SCHIP1: variants seen among roughly 807,000 people sequenced by gnomAD.
SCHIP1 encodes schwannomin interacting protein 1.
SCHIP1 carries 8 observed loss-of-function variants against 29.7 expected under a neutral mutation model. The ratio of observed to expected loss-of-function variants is 0.27; its 90% CI spans 0.16 to 0.49. SCHIP1 has a LOEUF of 0.49. SCHIP1 is among the 20% of genes least tolerant of loss of function. The pLI is 0.99. For synonymous variants in SCHIP1, 76 were observed against 94.9 expected, an observed-to-expected ratio of 0.80 and a Z score of 1.16; for missense variants, 193 against 294.6, an observed-to-expected ratio of 0.66 and a Z score of 2.52.
the SCHIP1 span, among the ~76,000 whole-genome samples, chr3:159,436,205 T>C: frequency 6.6e-6 from 1 of 152,154 alleles, no homozygotes; most frequent in Non-Finnish European, 1.5e-5. Flanking sequence ...ACTCTTGCAC[T>C]CAATCATTTA....
At chr3:159,550,108 A>T in the SCHIP1 span, among the ~76,000 whole-genome samples, 3 of 151,832 alleles carry the variant, frequency 2.0e-5, no homozygotes, top group South Asian at 2.1e-4. Context: ...TATCTTAAGA[A>T]AATTAATTAT....
the SCHIP1 span, among the ~76,000 whole-genome samples, chr3:159,395,293 GA>G: frequency 1.4e-3 from 209 of 151,622 alleles, 2 homozygotes; most frequent in African/African-American, 4.8e-3. Context: ...TTAATTTTTT[GA>G]AGGGTTTTTT....
chr3:159,894,456 C>G (rs984984147), intron 6 of SCHIP1: 1 of 152,230 alleles, frequency 6.6e-6, no homozygotes, highest in African/African-American at 2.4e-5. Flanking sequence ...GTCTACAAAA[C>G]AGCACCAGCA....
the SCHIP1 span, among the ~76,000 whole-genome samples, chr3:159,553,967 C>CGT: frequency 0.024 from 2,804 of 115,746 alleles, 14 homozygotes; most frequent in Middle Eastern, 0.054. Flanking sequence ...CGCCCAGCTA[C>CGT]GTGTGTGTGT....
At chr3:159,561,823 C>A in the SCHIP1 span, among the ~76,000 whole-genome samples, 2 of 152,080 alleles carry the variant, frequency 1.3e-5, no homozygotes, top group African/African-American at 2.4e-5. Context: ...GACAAATTAA[C>A]CCCTCTGGAG....
At chr3:159,327,984 C>A in the SCHIP1 span, among the ~76,000 whole-genome samples, 1 of 152,104 alleles carries the variant, frequency 6.6e-6, no homozygotes, top group Non-Finnish European at 1.5e-5. Flanking sequence ...AGAAGGAAAC[C>A]CTGAGCGACC....
chr3:159,564,634 C>T, the SCHIP1 span, among the ~76,000 whole-genome samples: 1 of 152,150 alleles, frequency 6.6e-6, no homozygotes, highest in Non-Finnish European at 1.5e-5. Context: ...CCGTGGCCTC[C>T]CAAAGTGCTG....
the SCHIP1 span, among the ~76,000 whole-genome samples, chr3:159,648,364 C>T: frequency 6.6e-6 from 1 of 152,238 alleles, no homozygotes; most frequent in South Asian, 2.1e-4. Flanking sequence ...TCTCTACCAC[C>T]TGTTATATAA....
At chr3:159,896,665 G>C in intron 6 of SCHIP1, 58 bp from the exon 8 acceptor site, 1 of 1,497,032 alleles carries the variant, frequency 6.7e-7, no homozygotes, top group Non-Finnish European at 8.9e-7. Flanking sequence ...GCTATTGATT[G>C]AAAAGCAGTT....
chr3:159,519,456 GCTTA>G, the SCHIP1 span, among the ~76,000 whole-genome samples: 2 of 152,076 alleles, frequency 1.3e-5, no homozygotes, highest in African/African-American at 4.8e-5. Flanking sequence ...AAAAAAGCCA[GCTTA>G]CTCTAAATGT....
chr3:159,853,159 A>G (rs1277175504), intron 1 of SCHIP1: 6 of 417,978 alleles, frequency 1.4e-5, no homozygotes, highest in African/African-American at 1.0e-4. Context: ...GCCTCAGAAA[A>G]CAGCAGCTGC....
chr3:159,655,438 A>G, the SCHIP1 span, among the ~76,000 whole-genome samples: 1 of 152,148 alleles, frequency 6.6e-6, no homozygotes, highest in East Asian at 1.9e-4. Flanking sequence ...ACTTATTAAG[A>G]ACTAACAAGG....
At chr3:159,315,079 C>T in the SCHIP1 span, among the ~76,000 whole-genome samples, 14 of 152,060 alleles carry the variant, frequency 9.2e-5, no homozygotes, top group East Asian at 1.9e-4. Context: ...GTAGCTATTG[C>T]GAAAAGCTTT....
At chr3:159,581,534 A>G in the SCHIP1 span, among the ~76,000 whole-genome samples, 1 of 152,130 alleles carries the variant, frequency 6.6e-6, no homozygotes, top group Non-Finnish European at 1.5e-5. Flanking sequence ...GCCAAATAAG[A>G]TGCAGTAATT....
the SCHIP1 span, among the ~76,000 whole-genome samples, chr3:159,704,750 G>C: frequency 1.3e-5 from 2 of 152,094 alleles, no homozygotes; most frequent in South Asian, 4.1e-4. Context: ...GAGGCCAAAA[G>C]AATTCACGGC....
At chr3:159,332,323 T>G in the SCHIP1 span, among the ~76,000 whole-genome samples, 2 of 152,164 alleles carry the variant, frequency 1.3e-5, no homozygotes, top group Non-Finnish European at 2.9e-5. Context: ...AGGCAAAAAT[T>G]TTGAGGTCAG....
chr3:159,572,934 G>GTT, the SCHIP1 span, among the ~76,000 whole-genome samples: 149 of 140,196 alleles, frequency 1.1e-3, no homozygotes, highest in Middle Eastern at 3.7e-3. Context: ...GCAACCTCTG[G>GTT]TTTTTTTTTT....
chr3:159,380,668 A>C, the SCHIP1 span, among the ~76,000 whole-genome samples: 2 of 152,144 alleles, frequency 1.3e-5, no homozygotes, highest in Admixed American at 1.3e-4. Flanking sequence ...GCCAGGCTTT[A>C]TATACATTGT....
the SCHIP1 span, among the ~76,000 whole-genome samples, chr3:159,484,129 G>C: frequency 1.3e-5 from 2 of 152,138 alleles, no homozygotes; most frequent in Admixed American, 6.5e-5. Context: ...GAACAGGCAT[G>C]ATCATAGGAG....
Sources: allele counts gnomAD v4.1 joint callset (sites outside exome capture counted in the v4.1 genomes callset), GRCh38; gene constraint gnomAD v4.1.1; transcripts MANE v1.5; gene names NCBI Gene and HGNC (gene_info 2026-07-23, HGNC 2026-07-21).